The following POMT1 variants were observed in gnomAD, a reference collection of about 807,000 sequenced individuals.
POMT1 encodes protein O-mannosyl-transferase 1.
POMT1 carries 85 observed loss-of-function variants against 101.6 expected under a neutral mutation model. The ratio of observed to expected loss-of-function variants is 0.84; its 90% CI spans 0.70 to 1.00. POMT1 has a LOEUF of 1.00. Ranked by LOEUF, POMT1 falls within the 50% of genes least tolerant of loss-of-function variation. The pLI is 0.00. For synonymous variants in POMT1, 371 were observed against 383.0 expected, an observed-to-expected ratio of 0.97 and a Z score of 0.37; for missense variants, 857 against 930.4, an observed-to-expected ratio of 0.92 and a Z score of 1.03.
At chr9:131,507,236 G>A in intron 4 of POMT1, 132 bp from the exon 5 acceptor site, 1 of 1,379,660 alleles carries the variant, frequency 7.2e-7, no homozygotes, top group Non-Finnish European at 1.0e-6. Context: ...TGCTGCTGAT[G>A]GGGTCCCCAG....
intron 6 of POMT1, 34 bp downstream of exon 6, chr9:131,509,056 G>C: frequency 6.8e-7 from 1 of 1,471,252 alleles, no homozygotes; most frequent in South Asian, 1.1e-5. Flanking sequence ...TAGTTAACGA[G>C]AACAGAGATT....
Position 131,522,515 on chromosome 9 carries a change from GC to G in POMT1, c.2003+294del. ...GGAGGATTCGGGAGCAGGGAGCAAG[GC>G]CCAGGAGCCTGGGGTGTCAGAAACG... On this transcript the variant is annotated intron_variant, in intron 19 of 19. Coordinates refer to ENST00000402686, the MANE Select transcript of POMT1 (RefSeq NM_001077365.2). This position sits in a 1 kb window ranked among gnomAD's most constrained non-coding sequence, Gnocchi z 5.5. 3.5e-6 allele frequency: 2 copies of G among 573,402 alleles called. No homozygotes were observed. The highest frequency in any genetic ancestry group is 4.1e-5 in the South Asian group (2 of 49,320). 35.5% of individuals were successfully genotyped at this position (573,402 alleles called of 1,614,324 possible). A position where few individuals can be genotyped will look rare whatever the true frequency, so the allele number is the denominator to read the frequency against.
At chr9:131,512,541 C>T (rs1428523346) in intron 11 of POMT1, among the ~76,000 whole-genome samples, 1 of 152,196 alleles carries the variant, frequency 6.6e-6, no homozygotes, top group Non-Finnish European at 1.5e-5. Context: ...GTCACTGTCT[C>T]CTGATGGTGT....
At chr9:131,518,420 T>C in intron 13 of POMT1, 25 bp from the exon 14 acceptor site, 2 of 1,574,486 alleles carry the variant, frequency 1.3e-6, no homozygotes, top group Non-Finnish European at 1.7e-6. Context: ...AGGAATGAAA[T>C]AATCCTTGAG....
Position 131,513,226 on chromosome 9 carries a change from C to T in POMT1, c.1083-13C>T, listed in dbSNP as rs374389106. 5 of 1,611,328 alleles carry T rather than the reference C, an allele frequency of 3.1e-6. No individual in the cohort carries two copies. The African/African-American group carries it at 6.7e-5, about 22-fold the overall frequency. On this transcript the variant is annotated splice_polypyrimidine_tract_variant and intron_variant, in intron 11 of 19. Transcript: ENST00000402686. ...CAGGCTCTGTGTGGTCCCGACAGCA[C>T]TGTGTCTTCCAGGCACCAGCTGGTG...
rs546088299 is a variant in POMT1, at chr9:131,518,582, CCA to C, written c.1365+46_1365+47del. ...CTTGGCCTGTCCTGAGCTGTGGGCT[CCA>C]GTCTGTTTCCCAAGCCCCTCAGGCT... is the stretch of plus-strand genomic sequence containing the variant. On this transcript the variant is annotated intron_variant, in intron 14 of 19. Coordinates refer to ENST00000402686, the MANE Select transcript of POMT1 (RefSeq NM_001077365.2). 30 of 1,550,174 alleles carry C rather than the reference CCA, an allele frequency of 1.9e-5. No individual in the cohort carries two copies. In the African/African-American group the frequency reaches 3.0e-4, roughly 15 times the overall value.
At position 131,522,902 on chromosome 9, in the gene POMT1, C is replaced by T; in HGVS notation, c.2004-30C>T. ...GCAGGGAAGCCGCAGTGGTCAGCCA[C>T]CCTCCCCCACGCTGCTCTGACCTCT... is the stretch of plus-strand genomic sequence containing the variant. On this transcript the variant is annotated intron_variant, in intron 19 of 19. Coordinates refer to ENST00000402686, the MANE Select transcript of POMT1 (RefSeq NM_001077365.2). The surrounding 1 kb of genome is among the most constrained non-coding windows in gnomAD (Gnocchi z 5.5). The T allele has an allele frequency of 6.4e-7, 1 of 1,561,502 alleles. No individual in the cohort carries two copies. The highest frequency in any genetic ancestry group is 8.6e-7 in the Non-Finnish European group (1 of 1,157,974).
chr9:131,523,542 G>A lies in POMT1; in HGVS notation c.*436G>A, dbSNP rs531655496. 2.3e-4 allele frequency: 63 copies of A among 272,442 alleles called. No individual in the cohort carries two copies. The highest frequency in any genetic ancestry group is 1.3e-3 in the African/African-American group (61 of 45,740). 16.9% of individuals were successfully genotyped at this position (272,442 alleles called of 1,614,324 possible). ...AGCAAGTCCCGGCCCTGCCCTCAGC[G>A]AGCCCGGCAGGCGTCCTGGGACAGC... On this transcript the variant is annotated 3_prime_UTR_variant, in exon 20 of 20. Coordinates refer to ENST00000402686, the MANE Select transcript of POMT1 (RefSeq NM_001077365.2).
intron 8 of POMT1, 122 bp downstream of exon 8, chr9:131,510,118 A>T: frequency 1.2e-6 from 2 of 1,612,788 alleles, no homozygotes; most frequent in Non-Finnish European, 1.7e-6. Context: ...AGGCCTGGGC[A>T]GCCTCGCCTC....
At chr9:131,518,053 G>A (rs2131840901) in intron 13 of POMT1, among the ~76,000 whole-genome samples, 1 of 152,358 alleles carries the variant, frequency 6.6e-6, no homozygotes, top group African/African-American at 2.4e-5. Flanking sequence ...TGTCTGGCAG[G>A]GACAGTGTCT....
chr9:131,508,877 C>A, intron 5 of POMT1, 34 bp from the exon 6 acceptor site: 1 of 1,492,430 alleles, frequency 6.7e-7, no homozygotes, highest in Non-Finnish European at 9.4e-7. Context: ...CCCTTGCTAC[C>A]TTAAAATTGA....
chr9:131,517,697 G>A (rs1256006880), intron 13 of POMT1, among the ~76,000 whole-genome samples: 2 of 152,146 alleles, frequency 1.3e-5, no homozygotes, highest in African/African-American at 4.8e-5. Flanking sequence ...TCCCTGACGT[G>A]AGTGCTGTGC....
Position 131,515,452 on chromosome 9 carries a change from C to G in POMT1, c.1202C>G (p.Pro401Arg), listed in dbSNP as rs201568375. The part of the protein sequence containing the change: ...NTHDVAAPLS[P>R]HSQEVSCYID... ...CATGATGTTGCAGCCCCCCTGAGCC[C>G]CCATTCACAGGAGGTCTCCTGCTAC... is the stretch of plus-strand genomic sequence containing the variant. Residue 401 changes from proline to arginine, a missense_variant, in exon 13 of 20, where the codon CCC becomes CGC. Pro to Arg is a moderately radical substitution (Grantham distance 103, BLOSUM62 -2). Transcript: ENST00000402686. 3 of 1,614,210 alleles carry G rather than the reference C, an allele frequency of 1.9e-6. No individual in the cohort carries two copies. Among genetic ancestry groups the G allele is most frequent in the Admixed American group, 3.3e-5 (2 of 60,026 alleles).
rs775961288 is a variant in POMT1, at chr9:131,518,573, C to T, written c.1365+36C>T. 11 of 1,564,742 alleles carry T rather than the reference C, an allele frequency of 7.0e-6. No homozygotes were observed. The South Asian group carries it at 1.1e-4, about 16-fold the overall frequency. On this transcript the variant is annotated intron_variant, in intron 14 of 19. Transcript: ENST00000402686. Reference sequence around the variant, plus strand: ...TGTCCGTGGCTTGGCCTGTCCTGAGCTGTGGGCTCCAGTCTGTTTCCCAAG... The same window carrying T: ...TGTCCGTGGCTTGGCCTGTCCTGAGTTGTGGGCTCCAGTCTGTTTCCCAAG...
chr9:131,504,967 G>C (rs996482171), intron 2 of POMT1, among the ~76,000 whole-genome samples: 13 of 151,962 alleles, frequency 8.6e-5, no homozygotes, highest in Admixed American at 3.9e-4. Context: ...TAGTAGAGAC[G>C]GGATTTCACC....
At chr9:131,508,004 G>A (rs1444224408) in intron 5 of POMT1, among the ~76,000 whole-genome samples, 2 of 152,040 alleles carry the variant, frequency 1.3e-5, no homozygotes, top group Non-Finnish European at 2.9e-5. Context: ...AGGCTGAGGC[G>A]GGCAGATCAC....
At chr9:131,505,297 ATTT>A (rs34623621) in intron 2 of POMT1, among the ~76,000 whole-genome samples, 1 of 137,510 alleles carries the variant, frequency 7.3e-6, no homozygotes. Context: ...AAAGATGAGG[ATTT>A]TTTTTTTTTT....
intron 4 of POMT1, 46 bp from the exon 5 acceptor site, chr9:131,507,322 G>T: frequency 1.2e-6 from 2 of 1,612,968 alleles, no homozygotes; most frequent in Non-Finnish European, 1.7e-6. Context: ...CACAGAGATG[G>T]TGTGTGCACA....
chr9:131,519,447 C>T lies in POMT1; in HGVS notation c.1545C>T (p.Ser515=). The T allele has an allele frequency of 6.4e-7, 1 of 1,551,392 alleles. No individual in the cohort carries two copies. The change falls in exon 16 of 20, where the codon AGC becomes AGT. Residue 515 remains serine (S), a synonymous_variant. Coordinates refer to ENST00000402686, the MANE Select transcript of POMT1 (RefSeq NM_001077365.2). The surrounding 1 kb of genome is among the most constrained non-coding windows in gnomAD (Gnocchi z 4.3). ...ACTCACCTGCGCAGGTGGACGTCAG[C>T]AGGAACCTCAGCTTCATGGCGAGAT... ...ELHSPAQVDV[S]RNLSFMARFS... is the part of the protein sequence containing the mutation.
Sources: gnomAD v4.1 joint callset for allele counts (sites outside exome capture counted in the v4.1 genomes callset) on GRCh38, gnomAD v4.1.1 for gene constraint, Gnocchi (gnomAD v3.1) non-coding constraint, MANE v1.5 for transcripts, NCBI Gene and HGNC (gene_info 2026-07-23, HGNC 2026-07-21) for gene names.